Variants in KIFC3 observed in about 807,000 individuals in gnomAD.
KIFC3 encodes the protein kinesin-like protein KIFC3.
KIFC3 carries 60 observed loss-of-function variants against 101.8 expected under a neutral mutation model. The observed-to-expected ratio is 0.59, with a 90% CI of 0.48 to 0.73. The LOEUF (loss-of-function observed/expected upper bound fraction) is 0.73, where lower values mean the gene tolerates loss of function less well. Ranked by LOEUF, KIFC3 falls within the 30% of genes least tolerant of loss-of-function variation. The pLI, the probability that KIFC3 is intolerant of heterozygous loss-of-function variation, is 0.00. For missense variants in KIFC3, 966 were observed against 1,137.1 expected (o/e 0.85, Z 2.16); for synonymous variants, 476 against 482.7 (o/e 0.99, Z 0.18).
intron 1 of KIFC3, among the ~76,000 whole-genome samples, chr16:57,837,482 A>G (rs577074581): frequency 2.0e-5 from 3 of 150,830 alleles, no homozygotes; most frequent in South Asian, 2.1e-4. Context: ...GAAAGAAAGA[A>G]AGAGAGAGAA....
intron 17 of KIFC3, 77 bp downstream of exon 17, chr16:57,760,205 C>T: frequency 2.6e-6 from 4 of 1,527,090 alleles, no homozygotes; most frequent in Middle Eastern, 2.0e-4. Context: ...ACGTCCCCGC[C>T]CAGCTCCCTG....
At chr16:57,803,864 T>A (rs1454105697), upstream of KIFC3, among the ~76,000 whole-genome samples, 5 of 152,116 alleles carry the variant, frequency 3.3e-5, no homozygotes, top group African/African-American at 1.2e-4. Flanking sequence ...ATCTCTGAAT[T>A]CCTCTGCCTG....
chr16:57,785,694 G>A (rs908576281), intron 3 of KIFC3: 14 of 1,189,556 alleles, frequency 1.2e-5, no homozygotes, highest in Middle Eastern at 4.6e-4. Context: ...GCTGATGAGA[G>A]GGCAGCAGAG....
intron 3 of KIFC3, chr16:57,775,119 T>A: frequency 7.1e-7 from 1 of 1,400,564 alleles, no homozygotes; most frequent in African/African-American, 1.5e-5. Flanking sequence ...GTTCTGTCCT[T>A]GCATCACAAT....
exon 1 of KIFC3, chr16:57,862,796 G>A (rs1373811704): frequency 7.8e-7 from 1 of 1,289,534 alleles, no homozygotes; most frequent in East Asian, 5.5e-5. Flanking sequence ...CCATGCAGCT[G>A]TCAGAGTGTT....
chr16:57,770,744 G>T, intron 6 of KIFC3, 44 bp from the exon 7 acceptor site: 2 of 1,374,086 alleles, frequency 1.5e-6, no homozygotes, highest in Non-Finnish European at 1.9e-6. Context: ...AGCGGGCACC[G>T]TACCTCACCC....
intron 2 of KIFC3, among the ~76,000 whole-genome samples, chr16:57,796,632 T>C (rs987484355): frequency 7.9e-5 from 12 of 152,214 alleles, no homozygotes; most frequent in African/African-American, 2.4e-4. Flanking sequence ...ACCTTTGTCT[T>C]AAATTTTTTA....
At chr16:57,797,906 G>C (rs2054469865) in intron 2 of KIFC3, 166 bp downstream of exon 2, 3 of 1,489,118 alleles carry the variant, frequency 2.0e-6, no homozygotes, top group Admixed American at 4.8e-5. Flanking sequence ...CGCCCGGCGA[G>C]ACTGACGCTC....
In KIFC3 at chr16:57,771,388, G is replaced by A. The variant is rs781966062; in HGVS notation, c.575C>T (p.Ala192Val). ...CTCTGACAGCATGCCTTTGCTTTCC[G>A]CCATCTCCAGCTGCAGCTGGGACAG... is the stretch of plus-strand genomic sequence containing the variant. ...DKLSQLQLEM[A>V]ESKGMLSELN... The change falls in exon 6 of 20, where the codon GCG becomes GTG. Residue 192 changes from alanine (A) to valine (V), a missense_variant. Around this residue, in one of 2 missense-constraint regions of KIFC3, gnomAD observed 689 missense variants for 884.6 expected, o/e 0.78. Coordinates refer to ENST00000445690, the MANE Select transcript of KIFC3 (RefSeq NM_001130100.2). The A allele has an allele frequency of 5.6e-6, 9 of 1,613,508 alleles. No homozygotes were observed. In the South Asian group the frequency reaches 6.6e-5, roughly 12 times the overall value.
intron 1 of KIFC3, among the ~76,000 whole-genome samples, chr16:57,853,848 G>A (rs1428600127): frequency 6.6e-6 from 1 of 152,160 alleles, no homozygotes; most frequent in African/African-American, 2.4e-5. Context: ...GTCCAGGCTG[G>A]TCTCGAACTC....
chr16:57,816,171 C>A (rs1345956959), intron 1 of KIFC3: 5 of 1,252,464 alleles, frequency 4.0e-6, no homozygotes, highest in Non-Finnish European at 4.1e-6. Flanking sequence ...GGGGAGGGTG[C>A]TCCCACTTCT....
chr16:57,785,777 G>C (rs2053258044), intron 3 of KIFC3: 1 of 538,920 alleles, frequency 1.9e-6, no homozygotes, highest in Admixed American at 4.7e-5. Context: ...TGCAAGCAGA[G>C]GGGGTGGGCA....
chr16:57,844,013 C>G (rs2055864557), intron 1 of KIFC3, among the ~76,000 whole-genome samples: 1 of 151,700 alleles, frequency 6.6e-6, no homozygotes, highest in Non-Finnish European at 1.5e-5. Flanking sequence ...GAGGCTGAGG[C>G]AGGAGAATTG....
chr16:57,837,224 T>C (rs536344902), intron 1 of KIFC3, among the ~76,000 whole-genome samples: 14 of 152,122 alleles, frequency 9.2e-5, no homozygotes, highest in Admixed American at 2.0e-4. Context: ...TCCCAGCACA[T>C]TGGGAGGCCG....
intron 3 of KIFC3, chr16:57,779,891 G>A (rs147630606): frequency 6.6e-6 from 1 of 152,280 alleles, no homozygotes; most frequent in African/African-American, 2.4e-5. Context: ...CCACATGGCT[G>A]GGGAGGCCTC....
chr16:57,758,729 G>GAGAC lies in KIFC3; in HGVS notation c.*201_*204dup. On this transcript the variant is annotated 3_prime_UTR_variant, in exon 20 of 20. Transcript: ENST00000445690. ...AATTTGCACTCAGAGCCACAGCCGA[G>GAGAC]AGACACCGTTTCCTTCTGAACATGT... The GAGAC allele has an allele frequency of 1.2e-6, 1 of 864,200 alleles. No homozygotes were observed. The highest frequency in any genetic ancestry group is 1.9e-6 in the Non-Finnish European group (1 of 523,338). 53.5% of individuals were successfully genotyped at this position (864,200 alleles called of 1,614,324 possible). A position where few individuals can be genotyped will look rare whatever the true frequency, so the allele number is the denominator to read the frequency against.
intron 1 of KIFC3, among the ~76,000 whole-genome samples, chr16:57,818,098 T>G (rs782538411): frequency 4.6e-5 from 7 of 151,738 alleles, no homozygotes; most frequent in Non-Finnish European, 7.4e-5. Flanking sequence ...GCGTGATCTC[T>G]GCTCACTGCA....
chr16:57,809,239 G>A (rs1555627449), intron 1 of KIFC3, among the ~76,000 whole-genome samples: 1 of 152,158 alleles, frequency 6.6e-6, no homozygotes, highest in African/African-American at 2.4e-5. Flanking sequence ...ATTCAGAATG[G>A]AGGTTCCAGT....
At chr16:57,766,087 C>CT (rs1392515768) in intron 10 of KIFC3, among the ~76,000 whole-genome samples, 1 of 152,192 alleles carries the variant, frequency 6.6e-6, no homozygotes, top group African/African-American at 2.4e-5. Context: ...CAGGTGATGA[C>CT]TGGTGGTGTA....
Sources: gnomAD v4.1 joint callset for allele counts (sites outside exome capture counted in the v4.1 genomes callset) on GRCh38, gnomAD v4.1.1 for gene constraint, gnomAD v4.1.1 regional missense constraint, MANE v1.5 for transcripts, NCBI Gene and HGNC (gene_info 2026-07-23, HGNC 2026-07-21) for gene names.